The following MCM7 variants were observed in gnomAD, a reference collection of about 807,000 sequenced individuals.
MCM7 encodes the protein minichromosome maintenance complex component 7, also known as DNA replication licensing factor MCM7.
MCM7 carries 95 observed loss-of-function variants against 83.5 expected under a neutral mutation model. That is an observed-to-expected ratio of 1.14 (90% CI 0.96 to 1.35). MCM7 has a LOEUF of 1.35. Among genes scored for constraint, MCM7 ranks in the 40% most tolerant of loss-of-function variants. The pLI is 0.00. For synonymous variants in MCM7, 461 were observed against 352.7 expected, an observed-to-expected ratio of 1.31 and a Z score of -3.44; for missense variants, 1,087 against 957.4, an observed-to-expected ratio of 1.14 and a Z score of -1.79.
At position 100,098,989 on chromosome 7, in the gene MCM7, G is replaced by C. The variant is rs761088889; in HGVS notation, c.582+34C>G. ...TTAATCTCTACAAAACAACTAATGG[G>C]TAAGTGCTTTCCTGCTTCTTGCTCC... On this transcript the variant is annotated intron_variant, in intron 5 of 14. Transcript: ENST00000303887. The C allele has an allele frequency of 8.1e-6, 13 of 1,611,832 alleles. 1 individual carries two copies. In the East Asian group the frequency reaches 2.0e-4, roughly 25 times the overall value.
chr7:100,099,142 C>A lies in MCM7; in HGVS notation c.463G>T (p.Asp155Tyr), dbSNP rs779537583. Residue 155 changes from aspartate (D) to tyrosine (Y), a missense_variant, in exon 5 of 15, where the codon GAC (aspartate) becomes TAC (tyrosine). Transcript: ENST00000303887. Reference sequence around the variant, plus strand: ...ACAGTTACCAACTTCCCCACAGAGTCAGCCCGCACTTCCCGGATCACACGA... The same window carrying A: ...ACAGTTACCAACTTCCCCACAGAGTAAGCCCGCACTTCCCGGATCACACGA... ...KPRVIREVRA[D>Y]SVGKLVTVRG... is the part of the protein sequence containing the mutation. 66 of 1,614,052 alleles carry A rather than the reference C, an allele frequency of 4.1e-5. No individual in the cohort carries two copies. The highest frequency in any genetic ancestry group is 5.3e-5 in the Non-Finnish European group (63 of 1,180,044).
Position 100,096,167 on chromosome 7 carries a change from C to T in MCM7, c.1202G>A (p.Ser401Asn), listed in dbSNP as rs1795624422. ...GGAGCCCCGGCCTGTTGTGTACTGG[C>T]CTGGAAGAGAAGAAATAAGGAACCA... ...LSYIDRLAPR[S>N]QYTTGRGSSG... The change falls in exon 11 of 15, where the codon AGC becomes AAC. Residue 401 changes from serine (S) to asparagine (N), a missense_variant and splice_region_variant. Coordinates refer to ENST00000303887, the MANE Select transcript of MCM7 (RefSeq NM_005916.5). 2 of 1,560,194 alleles carry T rather than the reference C, an allele frequency of 1.3e-6. No homozygotes were observed. Among genetic ancestry groups the T allele is most frequent in the Non-Finnish European group, 1.7e-6 (2 of 1,154,844 alleles).
chr7:100,098,840 T>A (rs1795781271), intron 5 of MCM7, 125 bp from the exon 6 acceptor site: 1 of 1,412,770 alleles, frequency 7.1e-7, no homozygotes, highest in African/African-American at 1.4e-5. Context: ...CCTCTGAACT[T>A]ACTCTGGGTC....
chr7:100,094,742 T>C (rs1795527001), intron 12 of MCM7, among the ~76,000 whole-genome samples: 2 of 152,114 alleles, frequency 1.3e-5, no homozygotes, highest in South Asian at 2.1e-4. Flanking sequence ...CATGGGAAAA[T>C]AGCGATAGAG....
intron 12 of MCM7, among the ~76,000 whole-genome samples, chr7:100,095,051 C>T (rs1455816089): frequency 1.3e-5 from 2 of 152,060 alleles, no homozygotes; most frequent in Admixed American, 6.6e-5. Context: ...TGGTGGCGTG[C>T]GCCTGTAATC....
In MCM7 at chr7:100,095,884, G is replaced by A. The variant is rs752264059; in HGVS notation, c.1485C>T (p.Tyr495=). The change falls in exon 11 of 15, where the codon TAC becomes TAT. Residue 495 remains tyrosine (Y), a synonymous_variant. Coordinates refer to ENST00000303887, the MANE Select transcript of MCM7 (RefSeq NM_005916.5). The part of the protein sequence containing the change: ...LAAANPAYGR[Y]NPRRSLEQNI... Reference sequence around the variant, plus strand: ...TCTGCTCCAGGCTGCGGCGAGGGTTGTAGCGCCCGTAGGCAGGGTTGGCGG... The same window carrying A: ...TCTGCTCCAGGCTGCGGCGAGGGTTATAGCGCCCGTAGGCAGGGTTGGCGG... 8 of 1,613,746 alleles carry A rather than the reference G, an allele frequency of 5.0e-6. No individual in the cohort carries two copies. Among genetic ancestry groups the A allele is most frequent in the East Asian group, 4.5e-5 (2 of 44,890 alleles).
chr7:100,100,552 G>A, intron 1 of MCM7: 4 of 992,386 alleles, frequency 4.0e-6, no homozygotes, highest in Non-Finnish European at 4.8e-6. Flanking sequence ...ACATGGGCCC[G>A]GATTCCAGCC....
In MCM7 at chr7:100,101,353, G is replaced by A; in HGVS notation, c.-59C>T. 2 of 1,608,230 alleles carry A rather than the reference G, an allele frequency of 1.2e-6. No individual in the cohort carries two copies. The highest frequency in any genetic ancestry group is 1.7e-6 in the Non-Finnish European group (2 of 1,177,376). Reference sequence around the variant, plus strand: ...GCTCAGAGGTCTTGCTCCTGGGGAAGCTGAGAATCTCCGCGCGGTGGACTG... The same window carrying A: ...GCTCAGAGGTCTTGCTCCTGGGGAAACTGAGAATCTCCGCGCGGTGGACTG... On this transcript the variant is annotated 5_prime_UTR_variant, in exon 1 of 15. Transcript: ENST00000303887.
In MCM7 at chr7:100,100,700, C is replaced by G. The variant is rs372993131; in HGVS notation, c.31+564G>C. ...AAGCTCCGGATCCCAGGCACGCCCC[C>G]CCGGGCCGCAGCTCTCTCCGCGGCC... is the stretch of plus-strand genomic sequence containing the variant. On this transcript the variant is annotated intron_variant, in intron 1 of 14. Transcript: ENST00000303887. 11 of 990,132 alleles carry G rather than the reference C, an allele frequency of 1.1e-5. No individual in the cohort carries two copies. The East Asian group carries it at 5.6e-4, about 51-fold the overall frequency. The allele number at this position is 990,132 out of a possible 1,614,324, so 61.3% of individuals were successfully genotyped here.
In MCM7 at chr7:100,098,247, A is replaced by G; in HGVS notation, c.764T>C (p.Val255Ala). The G allele has an allele frequency of 6.2e-7, 1 of 1,614,090 alleles. No individual in the cohort carries two copies. The highest frequency in any genetic ancestry group is 8.5e-7 in the Non-Finnish European group (1 of 1,180,000). The change falls in exon 7 of 15, where the codon GTG becomes GCG. Residue 255 changes from valine (V) to alanine (A), a missense_variant. Val to Ala is a moderately conservative substitution (Grantham distance 64, BLOSUM62 0). Coordinates refer to ENST00000303887, the MANE Select transcript of MCM7 (RefSeq NM_005916.5). ...PVGNIPRSIT[V>A]LVEGENTRIA... ...CCTTGTGTTCTCTCCTTCTACCAGC[A>G]CCGTGATACTACGAGGGATATTTCC... is the stretch of plus-strand genomic sequence containing the variant.
intron 13 of MCM7, 89 bp downstream of exon 13, chr7:100,094,084 G>T: frequency 6.6e-7 from 1 of 1,519,004 alleles, no homozygotes. Flanking sequence ...GGCTGGAGCG[G>T]GAGGTGGGGA....
At chr7:100,095,500 C>G in intron 11 of MCM7, 30 bp from the exon 12 acceptor site, 3 of 1,604,002 alleles carry the variant, frequency 1.9e-6, no homozygotes, top group Middle Eastern at 1.7e-4. Context: ...GAAGGAACAC[C>G]CTTTTTAGGG....
intron 9 of MCM7, 44 bp from the exon 10 acceptor site, chr7:100,097,428 G>A (rs1168041705): frequency 3.7e-6 from 6 of 1,604,036 alleles, no homozygotes; most frequent in South Asian, 1.1e-5. Context: ...TTCTCCCAGT[G>A]CTTGGCCAAC....
chr7:100,100,295 C>CA, intron 1 of MCM7: 1 of 1,319,668 alleles, frequency 7.6e-7, no homozygotes, highest in Non-Finnish European at 9.7e-7. Context: ...TGGCAGTGCA[C>CA]AGGGCCATCC....
At position 100,100,009 on chromosome 7, in the gene MCM7, C is replaced by T. The variant is rs1204987251; in HGVS notation, c.111+5G>A. 1.9e-6 allele frequency: 3 copies of T among 1,613,362 alleles called. No individual in the cohort carries two copies. Among genetic ancestry groups the T allele is most frequent in the South Asian group, 1.1e-5 (1 of 91,052 alleles). ...CCCATTCCCTTTACCCAATCTTAGA[C>T]TTACCAACTGGTTCCCATACTTGAA... On this transcript the variant is annotated splice_donor_5th_base_variant and intron_variant, in intron 2 of 14. Coordinates refer to ENST00000303887, the MANE Select transcript of MCM7 (RefSeq NM_005916.5).
intron 12 of MCM7, 64 bp from the exon 13 acceptor site, chr7:100,094,405 A>G: frequency 6.9e-6 from 11 of 1,588,792 alleles, no homozygotes; most frequent in Non-Finnish European, 9.5e-6. Flanking sequence ...ATATGAGCCC[A>G]TGTTGTTTTC....
chr7:100,100,571 G>C (rs913945946), intron 1 of MCM7: 1 of 991,480 alleles, frequency 1.0e-6, no homozygotes, highest in African/African-American at 1.7e-5. Context: ...CCGCTTCACA[G>C]CTCGGGATTC....
At chr7:100,100,400 G>A (rs760649523) in intron 1 of MCM7, 58 of 1,061,660 alleles carry the variant, frequency 5.5e-5, no homozygotes, top group Non-Finnish European at 6.4e-5. Flanking sequence ...AAGGTTCTCA[G>A]CTTTCTTTCC....
At position 100,097,862 on chromosome 7, in the gene MCM7, G is replaced by A. The variant is rs781708125; in HGVS notation, c.957C>T (p.Leu319=). The A allele has an allele frequency of 8.1e-6, 13 of 1,614,008 alleles. No individual in the cohort carries two copies. The highest frequency in any genetic ancestry group is 3.3e-5 in the South Asian group (3 of 91,078). The part of the protein sequence containing the change: ...SEDDESGAGE[L]TREELRQIAE... Reference sequence around the variant, plus strand: ...CAATTTGCCTCAGCTCCTCCCTGGTGAGCTCTCCAGCCCCAGACTCATCAT... The same window carrying A: ...CAATTTGCCTCAGCTCCTCCCTGGTAAGCTCTCCAGCCCCAGACTCATCAT... Residue 319 remains leucine (L), a synonymous_variant, in exon 8 of 15, where the codon CTC becomes CTT. Transcript: ENST00000303887.
Sources: gnomAD v4.1 joint callset for allele counts (sites outside exome capture counted in the v4.1 genomes callset) on GRCh38, gnomAD v4.1.1 for gene constraint, MANE v1.5 for transcripts, NCBI Gene and HGNC (gene_info 2026-07-23, HGNC 2026-07-21) for gene names.